Variants in GRM7 observed in about 807,000 individuals in gnomAD.
GRM7 encodes metabotropic glutamate receptor 7.
Under a neutral mutation model 84.5 loss-of-function variants are expected in GRM7, and 35 were observed. That is an observed-to-expected ratio of 0.41 (90% CI 0.32 to 0.55). The LOEUF (loss-of-function observed/expected upper bound fraction) is 0.55. Among genes scored for constraint, GRM7 ranks in the 20% least tolerant of loss-of-function variants. The pLI is 0.19. For synonymous variants in GRM7, 487 were observed against 455.1 expected (o/e 1.07, Z -0.89); for missense variants, 1,003 against 1,194.6 (o/e 0.84, Z 2.36).
intron 8 of GRM7, among the ~76,000 whole-genome samples, chr3:7,609,615 CT>C (rs1696754000): frequency 1.3e-5 from 2 of 151,850 alleles, no homozygotes. Flanking sequence ...GGAGAAACTT[CT>C]GTTCTATGAG....
At chr3:7,253,160 T>G (rs1048840731) in intron 2 of GRM7, among the ~76,000 whole-genome samples, 6 of 152,042 alleles carry the variant, frequency 3.9e-5, no homozygotes, top group African/African-American at 1.5e-4. Context: ...GCACTCTCTA[T>G]TTTAAAATAC....
At chr3:6,956,695 C>A in intron 1 of GRM7, 3 of 451,636 alleles carry the variant, frequency 6.6e-6, no homozygotes, top group Non-Finnish European at 8.9e-6. Flanking sequence ...CAACTCCAAA[C>A]GCCTGAAAAA....
chr3:7,080,852 C>G (rs946226015), intron 1 of GRM7, among the ~76,000 whole-genome samples: 11 of 151,918 alleles, frequency 7.2e-5, no homozygotes, highest in Non-Finnish European at 1.3e-4. Flanking sequence ...GTGTCCTATA[C>G]TTAGATAAGG....
At chr3:7,610,511 G>A (rs529085258) in intron 8 of GRM7, among the ~76,000 whole-genome samples, 127 of 152,208 alleles carry the variant, frequency 8.3e-4, no homozygotes, top group African/African-American at 2.2e-3. Flanking sequence ...ATTAAAATAC[G>A]TAGCTATGGC....
intron 1 of GRM7, among the ~76,000 whole-genome samples, chr3:6,871,134 C>A (rs1356882773): frequency 6.6e-6 from 1 of 152,118 alleles, no homozygotes; most frequent in Non-Finnish European, 1.5e-5. Flanking sequence ...AACAGTATCT[C>A]ATTATTTTAA....
At chr3:6,899,955 C>T (rs767400215) in intron 1 of GRM7, among the ~76,000 whole-genome samples, 39 of 152,046 alleles carry the variant, frequency 2.6e-4, no homozygotes, top group Non-Finnish European at 4.7e-4. Context: ...AAGTCAAATA[C>T]GTCTTTGTCA....
intron 2 of GRM7, among the ~76,000 whole-genome samples, chr3:7,283,078 G>A (rs1699309642): frequency 6.6e-6 from 1 of 152,010 alleles, no homozygotes; most frequent in Non-Finnish European, 1.5e-5. Context: ...TGAGTCTACT[G>A]CTTGCTAGTG....
At position 6,863,044 on chromosome 3, in the gene GRM7, G is replaced by T. The variant is rs372671441; in HGVS notation, c.519+1137G>T. 1 of 455,388 alleles carries T rather than the reference G, an allele frequency of 2.2e-6. No individual in the cohort carries two copies. The highest frequency in any genetic ancestry group is 4.4e-6 in the Non-Finnish European group (1 of 226,400). The allele number at this position is 455,388 out of a possible 1,614,324, so 28.2% of individuals were successfully genotyped here. A position where few individuals can be genotyped will look rare whatever the true frequency, so the allele number is the denominator to read the frequency against. ...TGGGGTTTGGAAATTGAGTTTCAGGGTCTCTGTGATTGTAGGTTCCCTCCT... is the reference window on the plus strand; with the variant it reads ...TGGGGTTTGGAAATTGAGTTTCAGGTTCTCTGTGATTGTAGGTTCCCTCCT... On this transcript the variant is annotated intron_variant, in intron 1 of 9. Transcript: ENST00000357716. The surrounding 1 kb of genome is among the most constrained non-coding windows in gnomAD (Gnocchi z 4.8).
intron 2 of GRM7, among the ~76,000 whole-genome samples, chr3:7,170,170 A>G (rs1574986455): frequency 6.6e-6 from 1 of 152,164 alleles, no homozygotes; most frequent in Non-Finnish European, 1.5e-5. Context: ...CATCTGGAGG[A>G]GAACTGGGGG....
At chr3:7,253,275 C>A (rs1332657181) in intron 2 of GRM7, among the ~76,000 whole-genome samples, 1 of 152,122 alleles carries the variant, frequency 6.6e-6, no homozygotes, top group African/African-American at 2.4e-5. Flanking sequence ...CTAACAATGA[C>A]AATATTCCAA....
At chr3:7,091,621 T>G (rs1048710597) in intron 1 of GRM7, among the ~76,000 whole-genome samples, 5 of 151,458 alleles carry the variant, frequency 3.3e-5, no homozygotes, top group Non-Finnish European at 5.9e-5. Flanking sequence ...GGAGAGATGC[T>G]GTAGTGAATA....
At chr3:7,528,099 C>A (rs1461975310) in intron 7 of GRM7, among the ~76,000 whole-genome samples, 1 of 151,988 alleles carries the variant, frequency 6.6e-6, no homozygotes, top group African/African-American at 2.4e-5. Context: ...GGGATTGGTA[C>A]CAGCTCTTCT....
At chr3:7,595,909 A>G (rs1011371285) in intron 8 of GRM7, among the ~76,000 whole-genome samples, 5 of 152,112 alleles carry the variant, frequency 3.3e-5, no homozygotes, top group Admixed American at 6.6e-5. Context: ...TTTGCATTGT[A>G]TGGGATGTCA....
At chr3:7,696,752 G>A (rs931801536) in intron 9 of GRM7, among the ~76,000 whole-genome samples, 11 of 152,088 alleles carry the variant, frequency 7.2e-5, no homozygotes, top group Non-Finnish European at 1.5e-4. Context: ...TGTTTCAGAA[G>A]GAAAAAACAG....
intron 2 of GRM7, among the ~76,000 whole-genome samples, chr3:7,154,352 A>G (rs977307010): frequency 6.6e-6 from 1 of 152,276 alleles, no homozygotes; most frequent in Admixed American, 6.5e-5. Context: ...CTCCCAGGCT[A>G]TGGATTGTCA....
At chr3:7,405,028 C>G (rs1276280231) in intron 4 of GRM7, among the ~76,000 whole-genome samples, 1 of 151,988 alleles carries the variant, frequency 6.6e-6, no homozygotes, top group Non-Finnish European at 1.5e-5. Flanking sequence ...TCTATGAGAA[C>G]CAGAGAACAG....
chr3:7,463,498 G>A (rs1331552201), intron 7 of GRM7, among the ~76,000 whole-genome samples: 1 of 152,008 alleles, frequency 6.6e-6, no homozygotes, highest in Non-Finnish European at 1.5e-5. Context: ...TCAATGTGTA[G>A]GTACACAGTG....
intron 7 of GRM7, among the ~76,000 whole-genome samples, chr3:7,505,260 G>T (rs538527514): frequency 2.0e-5 from 3 of 152,306 alleles, no homozygotes; most frequent in African/African-American, 7.2e-5. Flanking sequence ...GACTTTGGAG[G>T]GCTCCGCCTA....
chr3:6,913,761 C>G (rs1467406607), intron 1 of GRM7, among the ~76,000 whole-genome samples: 1 of 152,138 alleles, frequency 6.6e-6, no homozygotes, highest in East Asian at 1.9e-4. Flanking sequence ...TTTGCAACCA[C>G]TCAGTTTTCC....
Sources: gnomAD v4.1 joint callset for allele counts (sites outside exome capture counted in the v4.1 genomes callset) on GRCh38, gnomAD v4.1.1 for gene constraint, Gnocchi (gnomAD v3.1) non-coding constraint, MANE v1.5 for transcripts, NCBI Gene and HGNC (gene_info 2026-07-23, HGNC 2026-07-21) for gene names.